Variants in NEBL observed in about 807,000 individuals in gnomAD.
NEBL encodes LIM and SH3 protein 2.
NEBL carries 122 observed loss-of-function variants against 140.2 expected under a neutral mutation model. The observed-to-expected ratio is 0.87, with a 90% CI of 0.75 to 1.01. The LOEUF (loss-of-function observed/expected upper bound fraction) is 1.01. Among genes scored for constraint, NEBL ranks in the 50% least tolerant of loss-of-function variants. NEBL has a pLI of 0.00. For missense variants in NEBL, 1,365 were observed against 1,231.3 expected, an observed-to-expected ratio of 1.11 and a Z score of -1.62; for synonymous variants, 436 against 398.9, an observed-to-expected ratio of 1.09 and a Z score of -1.11.
At chr10:21,056,585 C>T (rs1049463351) in intron 2 of NEBL, among the ~76,000 whole-genome samples, 1 of 152,092 alleles carries the variant, frequency 6.6e-6, no homozygotes, top group African/African-American at 2.4e-5. Flanking sequence ...CGAGCCAATC[C>T]ACTCCTAGGT....
intron 2 of NEBL, among the ~76,000 whole-genome samples, chr10:21,160,568 G>A (rs1255188004): frequency 7.0e-6 from 1 of 142,802 alleles, no homozygotes; most frequent in East Asian, 2.2e-4. Context: ...TTAATGTTAA[G>A]AGAATCAGAG....
chr10:21,258,495 G>A (rs1842694376), intron 1 of NEBL, among the ~76,000 whole-genome samples: 1 of 151,844 alleles, frequency 6.6e-6, no homozygotes, highest in African/African-American at 2.4e-5. Flanking sequence ...AACTGAGGCT[G>A]GGAGTTTGAG....
Position 21,173,477 on chromosome 10 carries a change from C to T in NEBL, c.69+288G>A, listed in dbSNP as rs954641789. ...CCCCTGGGTGCCCAGCCTGGTCCCTCCGGGGTCCGGGGCTGCGCACCGCCG... is the reference window on the plus strand; with the variant it reads ...CCCCTGGGTGCCCAGCCTGGTCCCTTCGGGGTCCGGGGCTGCGCACCGCCG... On this transcript the variant is annotated intron_variant, in intron 1 of 6. Transcript: ENST00000417816. The surrounding 1 kb of genome is among the most constrained non-coding windows in gnomAD (Gnocchi z 5.7). Among the ~76,000 whole-genome samples, 1 of 152,034 alleles carries T rather than the reference C, an allele frequency of 6.6e-6. No individual in the cohort carries two copies. The highest frequency in any genetic ancestry group is 1.5e-5 in the Non-Finnish European group (1 of 68,010).
At chr10:21,174,930 G>C (rs1222217960), upstream of NEBL, 1 of 152,192 alleles carries the variant, frequency 6.6e-6, no homozygotes, top group Non-Finnish European at 1.5e-5. Context: ...TTAAGTGTGC[G>C]TGGATGTATA....
rs144162200 is a variant in NEBL, at chr10:21,184,788, G to C, written n.349-12311C>G. On this transcript the variant is annotated intron_variant and non_coding_transcript_variant, in intron 3 of 8. Coordinates refer to the NEBL transcript ENST00000675702. ...TCTGATACTTTGTTAAGCGAAAAAG[G>C]TTATAAAAACATTTGTTCGTGATGA... 6.3e-3 allele frequency among the ~76,000 whole-genome samples: 963 copies of C among 152,230 alleles called. 11 individuals carry two copies. The highest frequency in any genetic ancestry group is 0.022 in the African/African-American group (921 of 41,518).
intron 4 of NEBL, among the ~76,000 whole-genome samples, chr10:20,887,411 CTTTTTTTTTTTTTTT>C (rs36034071): frequency 3.7e-5 from 3 of 80,626 alleles, no homozygotes; most frequent in African/African-American, 9.8e-5. Context: ...TGAATTCAAC[CTTTTTTTTTTTTTTT>C]TTTTTTTTTT....
chr10:21,169,463 A>G (rs1030393084), intron 2 of NEBL, among the ~76,000 whole-genome samples: 3 of 152,136 alleles, frequency 2.0e-5, no homozygotes, highest in Non-Finnish European at 2.9e-5. Context: ...GCTGATTGAC[A>G]TGCACCACGT....
intron 4 of NEBL, among the ~76,000 whole-genome samples, chr10:20,949,757 G>A (rs1049010903): frequency 2.6e-5 from 4 of 151,660 alleles, no homozygotes; most frequent in African/African-American, 7.3e-5. Context: ...TTTCTGCTGA[G>A]GACGTCTTTA....
At chr10:21,213,633 G>A (rs1279905551) in intron 3 of NEBL, among the ~76,000 whole-genome samples, 1 of 152,186 alleles carries the variant, frequency 6.6e-6, no homozygotes, top group Non-Finnish European at 1.5e-5. Flanking sequence ...ATGTCCCGAG[G>A]CAGGGAACCA....
chr10:21,112,749 AAAAAAG>A (rs1284788930), intron 2 of NEBL: 1 of 159,350 alleles, frequency 6.3e-6, no homozygotes, highest in Non-Finnish European at 1.4e-5. Flanking sequence ...AATAAAAAAA[AAAAAAG>A]AAAAAGAAAA....
At chr10:21,119,609 G>T (rs1026496244) in intron 2 of NEBL, among the ~76,000 whole-genome samples, 2 of 151,550 alleles carry the variant, frequency 1.3e-5, no homozygotes, top group Non-Finnish European at 2.9e-5. Flanking sequence ...GTATAAATGT[G>T]AACTGCTTGA....
At chr10:21,069,923 G>C (rs1237967355) in intron 2 of NEBL, 2 of 443,730 alleles carry the variant, frequency 4.5e-6, no homozygotes, top group Admixed American at 2.5e-5. Flanking sequence ...GATAGCGCAA[G>C]TCATGTAAAT....
rs1329659392 is a variant in NEBL, at chr10:20,880,909, A to G, written c.370-5T>C. On this transcript the variant is annotated splice_polypyrimidine_tract_variant and splice_region_variant and intron_variant, in intron 4 of 27. Transcript: ENST00000377122. ...ATGTTTCTGCTTGTAGGCCACCTGA[A>G]AAACACAAATAATTTTTAGTCCCAT... is the stretch of plus-strand genomic sequence containing the variant. The G allele has an allele frequency of 6.2e-7, 1 of 1,612,186 alleles. No individual in the cohort carries two copies. The highest frequency in any genetic ancestry group is 8.5e-7 in the Non-Finnish European group (1 of 1,178,272).
intron 2 of NEBL, among the ~76,000 whole-genome samples, chr10:21,130,646 A>G (rs917400431): frequency 1.3e-5 from 2 of 152,238 alleles, no homozygotes; most frequent in Non-Finnish European, 2.9e-5. Flanking sequence ...CACATGGTTC[A>G]AAGAATAAAT....
Position 20,782,077 on chromosome 10 carries a change from C to T in NEBL, c.*3670G>A, listed in dbSNP as rs1351190937. The T allele has an allele frequency of 6.6e-6, 1 of 152,478 alleles. No homozygotes were observed. Among genetic ancestry groups the T allele is most frequent in the Non-Finnish European group, 1.5e-5 (1 of 68,028 alleles). 9.4% of individuals were successfully genotyped at this position (152,478 alleles called of 1,614,324 possible). A position where few individuals can be genotyped will look rare whatever the true frequency, so the allele number is the denominator to read the frequency against. Reference sequence around the variant, plus strand: ...CTATATAAATCCACAAAGAACCTTTCAGAAATAGATGGAAGAAGTCGGCAT... The same window carrying T: ...CTATATAAATCCACAAAGAACCTTTTAGAAATAGATGGAAGAAGTCGGCAT... On this transcript the variant is annotated 3_prime_UTR_variant, in exon 28 of 28. Coordinates refer to ENST00000377122, the MANE Select transcript of NEBL (RefSeq NM_006393.3).
At chr10:20,872,339 T>G (rs2131261246) in intron 5 of NEBL, among the ~76,000 whole-genome samples, 1 of 152,248 alleles carries the variant, frequency 6.6e-6, no homozygotes. Flanking sequence ...GAAAAAAGCT[T>G]CCGCGCCTGA....
chr10:20,853,938 C>A (rs1179025729), intron 9 of NEBL, among the ~76,000 whole-genome samples: 1 of 152,080 alleles, frequency 6.6e-6, no homozygotes, highest in African/African-American at 2.4e-5. Context: ...CTGATGGATA[C>A]CTCAATTATC....
At chr10:21,100,969 G>C (rs571530562) in intron 2 of NEBL, among the ~76,000 whole-genome samples, 1 of 152,196 alleles carries the variant, frequency 6.6e-6, no homozygotes, top group Non-Finnish European at 1.5e-5. Context: ...CCCACACATC[G>C]ACCTTTCACG....
At chr10:21,013,059 A>G (rs72790563) in intron 3 of NEBL, among the ~76,000 whole-genome samples, 11,138 of 151,800 alleles carry the variant, frequency 0.073, 448 homozygotes, top group Middle Eastern at 0.12. Context: ...CTCTTACATC[A>G]TTTTATCCAG....
Sources: gnomAD v4.1 joint callset for allele counts (sites outside exome capture counted in the v4.1 genomes callset) on GRCh38, gnomAD v4.1.1 for gene constraint, Gnocchi (gnomAD v3.1) non-coding constraint, MANE v1.5 for transcripts, NCBI Gene and HGNC (gene_info 2026-07-23, HGNC 2026-07-21) for gene names.